INPP5A: variants seen among roughly 807,000 people sequenced by gnomAD.
INPP5A encodes the protein inositol polyphosphate-5-phosphatase A.
A neutral mutation model predicts 65.2 loss-of-function variants in INPP5A; 14 were observed. The ratio of observed to expected loss-of-function variants is 0.21; its 90% confidence interval spans 0.14 to 0.34. The LOEUF is 0.34. Ranked by LOEUF, INPP5A falls within the 10% of genes least tolerant of loss-of-function variation. The pLI is 1.00. For missense variants in INPP5A, 431 were observed against 545.6 expected (o/e 0.79, Z 2.09); for synonymous variants, 207 against 208.3 (o/e 0.99, Z 0.05).
At chr10:132,709,411 A>G (rs1590943455) in intron 7 of INPP5A, among the ~76,000 whole-genome samples, 1 of 116,028 alleles carries the variant, frequency 8.6e-6, no homozygotes, top group African/African-American at 3.4e-5. Context: ...AAGGAGGGGG[A>G]GAGAAAGAGG....
chr10:132,602,477 T>C (rs1232128384), intron 1 of INPP5A, among the ~76,000 whole-genome samples: 1 of 152,112 alleles, frequency 6.6e-6, no homozygotes, highest in African/African-American at 2.4e-5. Context: ...GTATTTTTAG[T>C]AGAGACAGGG....
intron 12 of INPP5A, among the ~76,000 whole-genome samples, chr10:132,766,897 CAG>C (rs1412800465): frequency 7.9e-4 from 96 of 121,624 alleles, no homozygotes; most frequent in Middle Eastern, 4.9e-3. Context: ...GATGCGGCCT[CAG>C]GGAGCTTGGG....
chr10:132,630,969 A>G (rs972935786), intron 2 of INPP5A, among the ~76,000 whole-genome samples: 2 of 152,036 alleles, frequency 1.3e-5, no homozygotes, highest in Non-Finnish European at 2.9e-5. Context: ...CACTTGCCCT[A>G]TCTCTGGGGG....
At position 132,575,823 on chromosome 10, in the gene INPP5A, G is replaced by T. The variant is rs982217300; in HGVS notation, c.76-32092G>T. Among the ~76,000 whole-genome samples the T allele has an allele frequency of 6.6e-6, 1 of 152,114 alleles. No homozygotes were observed. The highest frequency in any genetic ancestry group is 2.1e-4 in the South Asian group (1 of 4,820). ...GAGTGTGTGGTCCCCTAGTGACACC[G>T]CCTGCTCTGTGGCTGTTTTCTTTCT... On this transcript the variant is annotated intron_variant, in intron 1 of 15. Transcript: ENST00000368594. This position sits in a 1 kb window ranked among gnomAD's most constrained non-coding sequence, Gnocchi z 5.4.
intron 1 of INPP5A, among the ~76,000 whole-genome samples, chr10:132,565,695 G>A (rs530455752): frequency 6.6e-6 from 1 of 152,046 alleles, no homozygotes; most frequent in African/African-American, 2.4e-5. Context: ...GTGAGTGCAT[G>A]TGTATGTGAA....
chr10:132,602,905 G>C (rs189276601), intron 1 of INPP5A, among the ~76,000 whole-genome samples: 6 of 152,262 alleles, frequency 3.9e-5, no homozygotes, highest in Admixed American at 2.6e-4. Flanking sequence ...GTCTAGAAAG[G>C]CTGTTTTTCT....
chr10:132,572,304 C>A (rs923308839), intron 1 of INPP5A, among the ~76,000 whole-genome samples: 1 of 152,156 alleles, frequency 6.6e-6, no homozygotes, highest in African/African-American at 2.4e-5. Flanking sequence ...GCAAGATGCC[C>A]CTGGTGGCAA....
chr10:132,695,371 C>CA (rs1364873059), intron 5 of INPP5A, among the ~76,000 whole-genome samples: 1 of 152,082 alleles, frequency 6.6e-6, no homozygotes, highest in African/African-American at 2.4e-5. Context: ...AGAAGAGCTC[C>CA]AAAAATCCTA....
chr10:132,661,150 T>A (rs1281773770), intron 4 of INPP5A, among the ~76,000 whole-genome samples: 1 of 152,154 alleles, frequency 6.6e-6, no homozygotes, highest in Non-Finnish European at 1.5e-5. Context: ...TCCCACCTCT[T>A]CGTGATATGG....
chr10:132,743,351 TGAGGG>T (rs1846309686), intron 9 of INPP5A, among the ~76,000 whole-genome samples: 4 of 115,480 alleles, frequency 3.5e-5, no homozygotes, highest in African/African-American at 1.4e-4. Flanking sequence ...GGCCCGGGAG[TGAGGG>T]CGAGCCCACC....
intron 14 of INPP5A, 81 bp from the exon 15 acceptor site, chr10:132,781,780 G>C: frequency 8.7e-7 from 1 of 1,152,324 alleles, no homozygotes; most frequent in Non-Finnish European, 1.3e-6. Context: ...CGCAGGGTCT[G>C]GGGGTGCAAC....
chr10:132,554,817 G>A (rs2071104576), intron 1 of INPP5A, among the ~76,000 whole-genome samples: 1 of 151,486 alleles, frequency 6.6e-6, no homozygotes, highest in South Asian at 2.1e-4. Flanking sequence ...TGGGTGGCGT[G>A]GTATTGTGTG....
chr10:132,749,995 G>A (rs1398290917), intron 11 of INPP5A, 150 bp downstream of exon 11: 1 of 773,230 alleles, frequency 1.3e-6, no homozygotes, highest in East Asian at 2.6e-5. Context: ...CAGACTGCTG[G>A]GGACACATAT....
At position 132,600,728 on chromosome 10, in the gene INPP5A, G is replaced by C. The variant is rs544206847; in HGVS notation, c.76-7187G>C. On this transcript the variant is annotated intron_variant, in intron 1 of 15. Transcript: ENST00000368594. The stretch of plus-strand genomic sequence containing the variant: ...TTGGACTTACAGTTCCACATCACTG[G>C]GGAGGCCCCAGAATCATGACAGGAG... Among the ~76,000 whole-genome samples the C allele has an allele frequency of 2.0e-5, 3 of 152,288 alleles. No homozygotes were observed. In the East Asian group the frequency reaches 5.8e-4, roughly 29 times the overall value.
chr10:132,601,295 A>G (rs1204071591), intron 1 of INPP5A, among the ~76,000 whole-genome samples: 1 of 152,210 alleles, frequency 6.6e-6, no homozygotes, highest in Admixed American at 6.5e-5. Flanking sequence ...ACCATTTCAT[A>G]TGTCTTCTTT....
At chr10:132,562,400 T>C (rs959727241) in intron 1 of INPP5A, among the ~76,000 whole-genome samples, 11 of 152,340 alleles carry the variant, frequency 7.2e-5, no homozygotes, top group African/African-American at 2.6e-4. Flanking sequence ...GGAGGACACG[T>C]AGGTGAACCT....
intron 9 of INPP5A, among the ~76,000 whole-genome samples, chr10:132,736,456 G>A (rs1846177891): frequency 6.6e-6 from 1 of 152,236 alleles, no homozygotes; most frequent in Non-Finnish European, 1.5e-5. Context: ...GGCCTGCAGG[G>A]GAATGGCCGT....
Position 132,651,375 on chromosome 10 carries a change from G to A in INPP5A, c.306+870G>A, listed in dbSNP as rs1179364856. ...GGAGGCCCTGGGTCCCCCGGCCTGG[G>A]TCCATCTCCCCCGTCTCTGGGGAGG... On this transcript the variant is annotated intron_variant, in intron 4 of 15. Transcript: ENST00000368594. This position sits in a 1 kb window ranked among gnomAD's most constrained non-coding sequence, Gnocchi z 5.0. 5.0e-5 allele frequency among the ~76,000 whole-genome samples: 6 copies of A among 119,434 alleles called. No individual in the cohort carries two copies. Among genetic ancestry groups the A allele is most frequent in the Admixed American group, 3.3e-4 (4 of 11,986 alleles). The allele number at this position is 119,434 out of a possible 152,430, so 78.4% of individuals were successfully genotyped here. A position where few individuals can be genotyped will look rare whatever the true frequency, so the allele number is the denominator to read the frequency against.
intron 2 of INPP5A, among the ~76,000 whole-genome samples, chr10:132,628,759 A>G (rs537955534): frequency 6.6e-6 from 1 of 152,350 alleles, no homozygotes; most frequent in South Asian, 2.1e-4. Flanking sequence ...CAATAGAAAG[A>G]TGGTCAAAAG....
Sources: gnomAD v4.1 joint callset for allele counts (sites outside exome capture counted in the v4.1 genomes callset) on GRCh38, gnomAD v4.1.1 for gene constraint, Gnocchi (gnomAD v3.1) non-coding constraint, MANE v1.5 for transcripts, NCBI Gene and HGNC (gene_info 2026-07-23, HGNC 2026-07-21) for gene names.